AFF1: variants seen among roughly 807,000 people sequenced by gnomAD.
AFF1 encodes the protein ALF transcription elongation factor 1.
In AFF1, 48 loss-of-function variants were observed where a neutral mutation model predicts 121.7. The ratio of observed to expected loss-of-function variants is 0.39; its 90% CI spans 0.31 to 0.50. The LOEUF (loss-of-function observed/expected upper bound fraction) is 0.50. Ranked by LOEUF, AFF1 falls within the 20% of genes least tolerant of loss-of-function variation. The probability of loss-of-function intolerance (pLI) is 0.76; values close to 1 mark genes in which losing one functional copy is unlikely to be tolerated. For missense variants in AFF1, 1,523 were observed against 1,511.7 expected (o/e 1.01, Z -0.12); for synonymous variants, 613 against 563.0 (o/e 1.09, Z -1.26).
intron 1 of AFF1, among the ~76,000 whole-genome samples, chr4:86,936,789 A>G (rs1312451787): frequency 6.6e-6 from 1 of 152,218 alleles, no homozygotes; most frequent in Non-Finnish European, 1.5e-5. Context: ...GATGTTGGGA[A>G]GTATTGTACT....
Position 87,138,636 on chromosome 4 carries a change from C to G in AFF1, c.*2935C>G, listed in dbSNP as rs552735592. ...TGCTAAATAATGAAAAAACACTTTA[C>G]TAAAATTTATCAAATTATACTGGGT... On this transcript the variant is annotated 3_prime_UTR_variant, in exon 21 of 21. Transcript: ENST00000395146. The G allele has an allele frequency of 4.9e-5, 11 of 223,154 alleles. No homozygotes were observed. Among genetic ancestry groups the G allele is most frequent in the Non-Finnish European group, 8.7e-5 (10 of 114,506 alleles). The allele number at this position is 223,154 out of a possible 1,614,324, so 13.8% of individuals were successfully genotyped here.
intron 19 of AFF1, 94 bp from the exon 20 acceptor site, chr4:87,134,377 G>A (rs1560666445): frequency 2.5e-6 from 3 of 1,196,638 alleles, no homozygotes; most frequent in Non-Finnish European, 3.5e-6. Context: ...GTGAAACTTT[G>A]TGTCTTGGAC....
rs768323297 is a variant in AFF1 at position 87,127,051 on chromosome 4, C to G, written c.2837C>G (p.Pro946Arg). The G allele has an allele frequency of 2.5e-6, 4 of 1,613,600 alleles. No individual in the cohort carries two copies. The highest frequency in any genetic ancestry group is 1.3e-5 in the African/African-American group (1 of 74,836). The change falls in exon 15 of 21, where the codon CCT (proline) becomes CGT (arginine). Residue 946 changes from proline (P) to arginine (R), a missense_variant. This residue lies in a region of AFF1 where 905 missense variants were observed against 842.5 expected (regional missense o/e 1.07). Coordinates refer to ENST00000395146, the MANE Select transcript of AFF1 (RefSeq NM_001166693.3). Reference sequence around the variant, plus strand: ...GGTTCTTCCGGAGATACTGCAAATCCTTTTCCAGTGCCTTCTTTGCCAAAT... The same window carrying G: ...GGTTCTTCCGGAGATACTGCAAATCGTTTTCCAGTGCCTTCTTTGCCAAAT... ...HKGSSGDTAN[P>R]FPVPSLPNGN...
At position 87,073,502 on chromosome 4, in the gene AFF1, G is replaced by T. The variant is rs193185991; in HGVS notation, c.1060-10618G>T. On this transcript the variant is annotated intron_variant, in intron 4 of 20. Coordinates refer to ENST00000395146, the MANE Select transcript of AFF1 (RefSeq NM_001166693.3). ...ATAATTTTCTGTCCTTTTTTCCCCCGTTTTTTTTGTGTTTTGTTTTTAAAT... is the reference window on the plus strand; with the variant it reads ...ATAATTTTCTGTCCTTTTTTCCCCCTTTTTTTTTGTGTTTTGTTTTTAAAT... Among the ~76,000 whole-genome samples the T allele has an allele frequency of 4.5e-3, 682 of 151,296 alleles. 4 individuals carry two copies. Among genetic ancestry groups the T allele is most frequent in the African/African-American group, 0.016 (657 of 41,166 alleles).
intron 1 of AFF1, among the ~76,000 whole-genome samples, chr4:86,947,465 CA>C (rs1720945399): frequency 6.6e-6 from 1 of 152,186 alleles, no homozygotes; most frequent in Admixed American, 6.5e-5. Context: ...GCCTCTTAAA[CA>C]GAGGCAAGTT....
At chr4:87,065,215 G>A (rs1721217670) in intron 4 of AFF1, among the ~76,000 whole-genome samples, 1 of 152,210 alleles carries the variant, frequency 6.6e-6, no homozygotes, top group Non-Finnish European at 1.5e-5. Context: ...GGAAGGCAAG[G>A]AGGAGCAGGT....
intron 2 of AFF1, among the ~76,000 whole-genome samples, chr4:86,990,906 C>T (rs2149504570): frequency 6.6e-6 from 1 of 152,266 alleles, no homozygotes; most frequent in East Asian, 1.9e-4. Context: ...AATCCCAGCA[C>T]TTTCGGAGGC....
At chr4:87,004,778 A>G (rs1007224395) in intron 2 of AFF1, among the ~76,000 whole-genome samples, 3 of 152,336 alleles carry the variant, frequency 2.0e-5, no homozygotes, top group Non-Finnish European at 2.9e-5. Context: ...ATTTGTTGCA[A>G]TGTTGTTTTG....
chr4:87,126,116 C>T lies in AFF1; in HGVS notation c.2591C>T (p.Ser864Leu). The T allele has an allele frequency of 2.5e-6, 4 of 1,614,210 alleles. No homozygotes were observed. Among genetic ancestry groups the T allele is most frequent in the Non-Finnish European group, 3.4e-6 (4 of 1,180,028 alleles). ...CACTCCAGGCCCTCCAGGCCCTCCT[C>T]ACAGTCCTCAAAGAAGGAAATGCTC... ...SSKTKPSRPSSQSSKKEMLPP... is the reference protein window; with the variant it reads ...SSKTKPSRPSLQSSKKEMLPP... The change falls in exon 14 of 21, where the codon TCA becomes TTA. Residue 864 changes from serine (S) to leucine (L), a missense_variant. Ser to Leu is a moderately radical substitution (Grantham distance 145). Coordinates refer to ENST00000395146, the MANE Select transcript of AFF1 (RefSeq NM_001166693.3).
chr4:87,026,926 G>C (rs915089743), intron 2 of AFF1, among the ~76,000 whole-genome samples: 2 of 152,116 alleles, frequency 1.3e-5, no homozygotes, highest in African/African-American at 4.8e-5. Flanking sequence ...ATTTTGTGGG[G>C]AAGCACTTGC....
intron 2 of AFF1, among the ~76,000 whole-genome samples, chr4:86,992,649 C>T (rs986892368): frequency 4.6e-5 from 7 of 152,166 alleles, no homozygotes; most frequent in Non-Finnish European, 2.9e-5. Context: ...TGCAAGTTCT[C>T]ACCTTGACAA....
In AFF1 at chr4:87,125,948, TCA is replaced by T. The variant is rs1728196089; in HGVS notation, c.2574-150_2574-149del. ...GGTAGGGCTAGATTTTTGAAATGCC[TCA>T]AAAAGTCCCTGAAATTTGGCCTGTT... On this transcript the variant is annotated intron_variant, in intron 13 of 20. Coordinates refer to ENST00000395146, the MANE Select transcript of AFF1 (RefSeq NM_001166693.3). 12 of 776,136 alleles carry T rather than the reference TCA, an allele frequency of 1.5e-5. No homozygotes were observed. The Admixed American group carries it at 2.3e-4, about 15-fold the overall frequency. The allele number at this position is 776,136 out of a possible 1,614,324, so 48.1% of individuals were successfully genotyped here. A position where few individuals can be genotyped will look rare whatever the true frequency, so the allele number is the denominator to read the frequency against.
At chr4:87,073,033 GTCTA>G (rs757197336) in intron 4 of AFF1, among the ~76,000 whole-genome samples, 5 of 150,712 alleles carry the variant, frequency 3.3e-5, no homozygotes, top group Non-Finnish European at 5.9e-5. Flanking sequence ...AGATAATTAA[GTCTA>G]TCTAAGATTC....
At chr4:87,069,157 C>T (rs1171913484) in intron 4 of AFF1, among the ~76,000 whole-genome samples, 2 of 152,198 alleles carry the variant, frequency 1.3e-5, no homozygotes, top group Non-Finnish European at 2.9e-5. Context: ...TAGTGCATGA[C>T]CTTATAAACA....
In AFF1 at chr4:87,137,404, T is replaced by G. The variant is rs1320571226; in HGVS notation, c.*1703T>G. 4.3e-6 allele frequency: 1 copy of G among 230,428 alleles called. No individual in the cohort carries two copies. The highest frequency in any genetic ancestry group is 8.6e-6 in the Non-Finnish European group (1 of 116,154). 14.3% of individuals were successfully genotyped at this position (230,428 alleles called of 1,614,324 possible). ...ATACACAAAGGGATGTGTCGAGGGA[T>G]GGGAGCGATGCTTATCTCTCACAGT... On this transcript the variant is annotated 3_prime_UTR_variant, in exon 21 of 21. Transcript: ENST00000395146.
In AFF1 at chr4:87,090,037, A is replaced by G. The variant is rs58663950; in HGVS notation, c.1158A>G (p.Thr386=). The change falls in exon 6 of 21, where the codon ACA becomes ACG. Residue 386 remains threonine, a synonymous_variant. Transcript: ENST00000395146. ...TGACAGCAATACATACGCCTAGTAC[A>G]GCTGAGCCATCCAAGTTTCCTTTCC... The part of the protein sequence containing the change: ...PPLTAIHTPS[T]AEPSKFPFPT... 4.9e-4 allele frequency: 795 copies of G among 1,613,968 alleles called. 3 individuals are homozygous for G. The African/African-American group carries it at 1.0e-2, about 20-fold the overall frequency.
rs761416123 is a variant in AFF1, at chr4:87,114,969, C to A, written c.2136C>A (p.Pro712=). 3 of 1,613,380 alleles carry A rather than the reference C, an allele frequency of 1.9e-6. No homozygotes were observed. The highest frequency in any genetic ancestry group is 2.5e-6 in the Non-Finnish European group (3 of 1,179,616). Residue 712 remains proline (P), a synonymous_variant, in exon 12 of 21, where the codon CCC becomes CCA. Transcript: ENST00000395146. ...DRTPEHFALV[P]LTESQGPPHS... is the part of the protein sequence containing the mutation. ...CCCCTGAGCACTTTGCTCTTGTTCC[C>A]CTGACTGAGAGCCAGGGCCCACCCC...
chr4:87,132,361 C>T lies in AFF1; in HGVS notation c.3264C>T (p.Phe1088=), dbSNP rs766229024. 1.2e-6 allele frequency: 2 copies of T among 1,612,960 alleles called. No individual in the cohort carries two copies. Among genetic ancestry groups the T allele is most frequent in the Admixed American group, 1.7e-5 (1 of 59,708 alleles). The change falls in exon 19 of 21, where the codon TTC becomes TTT. Residue 1088 remains phenylalanine, a synonymous_variant. Coordinates refer to ENST00000395146, the MANE Select transcript of AFF1 (RefSeq NM_001166693.3). ...IKYSRTLNKH[F]ESSSKVAQAP... ...ATTCTCGTACTCTTAATAAACACTTCGAGAGTTCTTCCAAAGTCGCCCAGG... is the reference window on the plus strand; with the variant it reads ...ATTCTCGTACTCTTAATAAACACTTTGAGAGTTCTTCCAAAGTCGCCCAGG...
intron 2 of AFF1, among the ~76,000 whole-genome samples, chr4:87,040,150 C>G (rs1410966802): frequency 6.6e-6 from 1 of 152,180 alleles, no homozygotes; most frequent in African/African-American, 2.4e-5. Context: ...CCACCTCGGC[C>G]TCCCAAAGTG....
Sources: allele counts gnomAD v4.1 joint callset (sites outside exome capture counted in the v4.1 genomes callset), GRCh38; gene constraint gnomAD v4.1.1; regional missense constraint gnomAD v4.1.1; transcripts MANE v1.5; gene names NCBI Gene and HGNC (gene_info 2026-07-23, HGNC 2026-07-21).